The following DLGAP2 variants were observed in gnomAD, a reference collection of about 807,000 sequenced individuals.
DLGAP2 encodes DLG associated protein 2, also known as disks large-associated protein 2.
In DLGAP2, 26 loss-of-function variants were observed where a neutral mutation model predicts 100.3. The ratio of observed to expected loss-of-function variants is 0.26; its 90% CI spans 0.19 to 0.36. The LOEUF is 0.36. Among genes scored for constraint, DLGAP2 ranks in the 10% least tolerant of loss-of-function variants. The pLI is 1.00. For synonymous variants in DLGAP2, 886 were observed against 630.1 expected, an observed-to-expected ratio of 1.41 and a Z score of -6.08; for missense variants, 1,858 against 1,453.2, an observed-to-expected ratio of 1.28 and a Z score of -4.53.
At chr8:1,444,208 C>T (rs552234207) in intron 3 of DLGAP2, among the ~76,000 whole-genome samples, 4 of 152,186 alleles carry the variant, frequency 2.6e-5, no homozygotes, top group African/African-American at 4.8e-5. Context: ...GCCTTGGCCT[C>T]CCACAGCTCT....
intron 5 of DLGAP2, among the ~76,000 whole-genome samples, chr8:1,561,604 G>C (rs780037192): frequency 6.6e-6 from 1 of 152,194 alleles, no homozygotes; most frequent in Non-Finnish European, 1.5e-5. Flanking sequence ...CCGTGTGCCT[G>C]GGCCACCTTG....
intron 3 of DLGAP2, among the ~76,000 whole-genome samples, chr8:1,266,853 G>T (rs1489658293): frequency 6.6e-6 from 1 of 152,160 alleles, no homozygotes; most frequent in East Asian, 1.9e-4. Context: ...GCTTCTGCTT[G>T]GATAATGAAT....
chr8:1,120,773 A>G (rs1386090019), intron 2 of DLGAP2, among the ~76,000 whole-genome samples: 2 of 151,710 alleles, frequency 1.3e-5, no homozygotes, highest in African/African-American at 2.4e-5. Flanking sequence ...GAAACTAGTC[A>G]TTCTAGTCCC....
intron 1 of DLGAP2, among the ~76,000 whole-genome samples, chr8:833,032 C>T (rs1280854874): frequency 6.6e-6 from 1 of 152,234 alleles, no homozygotes; most frequent in Non-Finnish European, 1.5e-5. Context: ...ACCCAGTAAA[C>T]ATCTGTGACA....
intron 2 of DLGAP2, among the ~76,000 whole-genome samples, chr8:1,175,966 G>C (rs1198645729): frequency 6.6e-6 from 1 of 152,172 alleles, no homozygotes; most frequent in East Asian, 1.9e-4. Context: ...GCAGATGTGG[G>C]AGCTGGCACA....
intron 14 of DLGAP2, among the ~76,000 whole-genome samples, chr8:1,698,924 C>A (rs558731579): frequency 5.9e-5 from 9 of 151,834 alleles, no homozygotes; most frequent in African/African-American, 1.9e-4. Flanking sequence ...ATGCATGGGA[C>A]TAGGCAGGTC....
chr8:1,686,506 A>G (rs928094074), intron 12 of DLGAP2, among the ~76,000 whole-genome samples: 4 of 152,158 alleles, frequency 2.6e-5, no homozygotes, highest in Non-Finnish European at 5.9e-5. Context: ...TGTCTCAACT[A>G]AAAATACAAA....
chr8:996,756 GC>G (rs1334691550), intron 2 of DLGAP2, among the ~76,000 whole-genome samples: 1 of 152,130 alleles, frequency 6.6e-6, no homozygotes, highest in East Asian at 1.9e-4. Context: ...TTGATTGCTG[GC>G]CTAGTTGAAG....
chr8:1,677,723 G>GGAGT (rs1798842735), intron 11 of DLGAP2, among the ~76,000 whole-genome samples: 1 of 152,200 alleles, frequency 6.6e-6, no homozygotes, highest in African/African-American at 2.4e-5. Context: ...GTCAGAATTT[G>GGAGT]GAGTCATTAT....
intron 2 of DLGAP2, among the ~76,000 whole-genome samples, chr8:980,901 A>G (rs1800312820): frequency 6.6e-6 from 1 of 152,190 alleles, no homozygotes. Flanking sequence ...GAGCTGAGAC[A>G]TTCGTGTGAT....
intron 2 of DLGAP2, chr8:1,248,869 G>T (rs1239932252): frequency 5.3e-5 from 8 of 152,266 alleles, no homozygotes; most frequent in African/African-American, 7.2e-5. Flanking sequence ...CCAGGTATTT[G>T]GCTCTATGCT....
intron 3 of DLGAP2, among the ~76,000 whole-genome samples, chr8:1,420,690 T>C (rs1797066179): frequency 6.6e-6 from 1 of 152,060 alleles, no homozygotes; most frequent in African/African-American, 2.4e-5. Context: ...TGCCCTCCAC[T>C]CCAACCCAGT....
At chr8:796,880 C>T (rs114074647) in intron 1 of DLGAP2, among the ~76,000 whole-genome samples, 1 of 151,950 alleles carries the variant, frequency 6.6e-6, no homozygotes, top group African/African-American at 2.4e-5. Flanking sequence ...GCCCCCTTCA[C>T]CCCACCCTTT....
rs754638338 is a variant in DLGAP2, at chr8:1,565,785, G to A, written c.1333G>A (p.Glu445Lys). 8.1e-6 allele frequency: 13 copies of A among 1,613,890 alleles called. No homozygotes were observed. Among genetic ancestry groups the A allele is most frequent in the Non-Finnish European group, 1.1e-5 (13 of 1,179,860 alleles). ...GAGTTACATTAAAGCCATGGGGGAC[G>A]AGGAGAGCGGAGAGTCAGACTCCAG... is the stretch of plus-strand genomic sequence containing the variant. ...SGSYIKAMGD[E>K]ESGESDSSPK... Residue 445 changes from glutamate to lysine, a missense_variant, in exon 6 of 15, where the codon GAG becomes AAG. Glu to Lys is a moderately conservative substitution (Grantham distance 56, BLOSUM62 1). Coordinates refer to ENST00000637795, the MANE Select transcript of DLGAP2 (RefSeq NM_001346810.2).
chr8:1,411,461 G>T (rs79698811), intron 3 of DLGAP2, among the ~76,000 whole-genome samples: 19 of 152,176 alleles, frequency 1.2e-4, no homozygotes, highest in African/African-American at 4.3e-4. Flanking sequence ...CACTTGTGCC[G>T]AAGATATAAC....
At chr8:1,407,815 C>A (rs1468146937) in intron 3 of DLGAP2, among the ~76,000 whole-genome samples, 1 of 149,484 alleles carries the variant, frequency 6.7e-6, no homozygotes, top group Non-Finnish European at 1.5e-5. Context: ...GTATTGAGTG[C>A]TTACTGAGCG....
intron 2 of DLGAP2, among the ~76,000 whole-genome samples, chr8:918,740 T>C (rs1367771600): frequency 6.6e-6 from 1 of 152,214 alleles, no homozygotes; most frequent in Non-Finnish European, 1.5e-5. Context: ...TCCTTTTCTT[T>C]TATAGCTTTT....
chr8:885,011 A>G (rs1337977148), intron 1 of DLGAP2, among the ~76,000 whole-genome samples: 1 of 152,196 alleles, frequency 6.6e-6, no homozygotes, highest in Non-Finnish European at 1.5e-5. Context: ...TGGTGTCAGT[A>G]TCATGCTGTT....
At chr8:1,190,212 C>A (rs753994491) in intron 2 of DLGAP2, among the ~76,000 whole-genome samples, 1 of 152,218 alleles carries the variant, frequency 6.6e-6, no homozygotes, top group Non-Finnish European at 1.5e-5. Context: ...CAGACCTCTT[C>A]CAGATTCTGG....
Sources: allele counts gnomAD v4.1 joint callset (sites outside exome capture counted in the v4.1 genomes callset), GRCh38; gene constraint gnomAD v4.1.1; transcripts MANE v1.5; gene names NCBI Gene and HGNC (gene_info 2026-07-23, HGNC 2026-07-21).